The following PMF1 variants were observed in gnomAD, a reference collection of about 807,000 sequenced individuals.
PMF1 encodes polyamine modulated factor 1.
Under a neutral mutation model 26.7 loss-of-function variants are expected in PMF1, and 21 were observed. The observed-to-expected ratio is 0.79, with a 90% CI of 0.56 to 1.13. PMF1 has a LOEUF of 1.13. Among genes scored for constraint, PMF1 ranks in the 50% most tolerant of loss-of-function variants. The probability of loss-of-function intolerance (pLI) is 0.00; values close to 1 mark genes in which losing one functional copy is unlikely to be tolerated. For missense variants in PMF1, 266 were observed against 254.9 expected (o/e 1.04, Z -0.30); for synonymous variants, 105 against 101.0 (o/e 1.04, Z -0.24).
At chr1:156,219,226 T>C (rs1238635275) in intron 1 of PMF1, among the ~76,000 whole-genome samples, 3 of 152,132 alleles carry the variant, frequency 2.0e-5, no homozygotes, top group Non-Finnish European at 4.4e-5. Flanking sequence ...AAAAAAGACC[T>C]TGGGGTCTTT....
chr1:156,233,593 C>A, intron 2 of PMF1, 35 bp from the exon 3 acceptor site: 1 of 1,605,372 alleles, frequency 6.2e-7, no homozygotes, highest in Non-Finnish European at 8.5e-7. Context: ...GAGCTCATCT[C>A]GTGTCATTAC....
chr1:156,229,498 C>T (rs927268440), intron 1 of PMF1, among the ~76,000 whole-genome samples: 11 of 151,782 alleles, frequency 7.2e-5, no homozygotes, highest in African/African-American at 2.4e-4. Flanking sequence ...TACAAATTAC[C>T]TCAAGAGCAG....
chr1:156,214,750 GA>G lies in PMF1; in HGVS notation c.161+1586del, dbSNP rs796137947. ...AGAGCAAGACCCTGCCTCTAAAAAA[GA>G]AAAAAAAAAAAGATAATGAACAGGT... On this transcript the variant is annotated intron_variant, in intron 1 of 4. Coordinates refer to ENST00000368277, the MANE Select transcript of PMF1 (RefSeq NM_007221.4). 5.7e-3 allele frequency among the ~76,000 whole-genome samples: 711 copies of G among 125,368 alleles called. 3 individuals carry two copies. Among genetic ancestry groups the G allele is most frequent in the African/African-American group, 0.018 (614 of 33,962 alleles). The allele number at this position is 125,368 out of a possible 152,430, so 82.2% of individuals were successfully genotyped here.
At chr1:156,213,883 A>AT (rs1453671900) in intron 1 of PMF1, among the ~76,000 whole-genome samples, 1 of 151,670 alleles carries the variant, frequency 6.6e-6, no homozygotes, top group African/African-American at 2.4e-5. Context: ...GAAAAGAAAC[A>AT]TTTTTCCTGT....
chr1:156,213,089 C>G lies in PMF1; in HGVS notation c.74C>G (p.Ser25Cys), dbSNP rs1657464961. 6.2e-7 allele frequency: 1 copy of G among 1,614,124 alleles called. No individual in the cohort carries two copies. The highest frequency in any genetic ancestry group is 1.3e-5 in the African/African-American group (1 of 74,950). The change falls in exon 1 of 5, where the codon TCT becomes TGT. Residue 25 changes from serine to cysteine, a missense_variant. Transcript: ENST00000368277. ...AGGCATGAGGGGTCGTCTTCGGAAT[C>G]TGTGCCACCCGGCACTACCATTTCG... ...EKRHEGSSSE[S>C]VPPGTTISRV...
intron 1 of PMF1, among the ~76,000 whole-genome samples, chr1:156,219,640 C>T (rs777487508): frequency 1.3e-5 from 2 of 152,184 alleles, no homozygotes; most frequent in Non-Finnish European, 2.9e-5. Context: ...GGCTGGAGTG[C>T]AGTGGCACAA....
At position 156,232,389 on chromosome 1, in the gene PMF1, T is replaced by C; in HGVS notation, c.231T>C (p.Tyr77=). 2 of 1,614,040 alleles carry C rather than the reference T, an allele frequency of 1.2e-6. No homozygotes were observed. The highest frequency in any genetic ancestry group is 1.7e-6 in the Non-Finnish European group (2 of 1,179,898). Residue 77 remains tyrosine, a synonymous_variant, in exon 2 of 5, where the codon TAT becomes TAC. Transcript: ENST00000368277. ...QLQPAMTQQI[Y]DKFIAQLQTS... The stretch of plus-strand genomic sequence containing the variant: ...AGCCTGCGATGACACAGCAAATCTA[T>C]GACAAGTTTATAGCTCAGTTGCAGA...
At position 156,213,067 on chromosome 1, in the gene PMF1, C is replaced by A; in HGVS notation, c.52C>A (p.His18Asn). Residue 18 changes from histidine to asparagine, a missense_variant, in exon 1 of 5, where the codon CAT becomes AAT. His to Asn is a moderately conservative substitution (Grantham distance 68, BLOSUM62 1). Coordinates refer to ENST00000368277, the MANE Select transcript of PMF1 (RefSeq NM_007221.4). ...AGGCAGCGGCTGTGAGGAAAAAAGG[C>A]ATGAGGGGTCGTCTTCGGAATCTGT... ...NLGSGCEEKR[H>N]EGSSSESVPP... The A allele has an allele frequency of 6.2e-7, 1 of 1,614,220 alleles. No homozygotes were observed. Among genetic ancestry groups the A allele is most frequent in the Non-Finnish European group, 8.5e-7 (1 of 1,180,018 alleles).
In PMF1 at chr1:156,239,742, AG is replaced by A; in HGVS notation, c.*143del. ...CAGTGATGGAATTTGCTGGAGGACT[AG>A]GCCAGAGCAAGCCTCACTGCCACTG... On this transcript the variant is annotated 3_prime_UTR_variant, in exon 5 of 5. Coordinates refer to ENST00000368277, the MANE Select transcript of PMF1 (RefSeq NM_007221.4). 1.4e-6 allele frequency: 1 copy of A among 699,938 alleles called. No homozygotes were observed. Among genetic ancestry groups the A allele is most frequent in the Non-Finnish European group, 2.5e-6 (1 of 397,904 alleles). The allele number at this position is 699,938 out of a possible 1,614,324, so 43.4% of individuals were successfully genotyped here.
intron 3 of PMF1, among the ~76,000 whole-genome samples, chr1:156,235,271 C>T (rs1658940121): frequency 6.6e-6 from 1 of 151,026 alleles, no homozygotes; most frequent in Non-Finnish European, 1.5e-5. Flanking sequence ...ATTACAGCGC[C>T]CGCCACCACA....
intron 4 of PMF1, among the ~76,000 whole-genome samples, chr1:156,237,704 C>T (rs1352545674): frequency 2.0e-5 from 3 of 151,592 alleles, no homozygotes; most frequent in Non-Finnish European, 4.4e-5. Flanking sequence ...ACCTCAGCCT[C>T]ACAACGTGCT....
At chr1:156,236,164 C>A in intron 3 of PMF1, 124 bp from the exon 4 acceptor site, 1 of 1,333,446 alleles carries the variant, frequency 7.5e-7, no homozygotes, top group Non-Finnish European at 1.0e-6. Context: ...ACAGGAGAGA[C>A]CTGGGAAGCC....
At chr1:156,230,894 G>A (rs763714426) in intron 1 of PMF1, among the ~76,000 whole-genome samples, 6 of 151,106 alleles carry the variant, frequency 4.0e-5, no homozygotes, top group Non-Finnish European at 7.4e-5. Context: ...GTGAGACCGC[G>A]ACTCTACAAA....
At chr1:156,231,259 G>T (rs796730640) in intron 1 of PMF1, among the ~76,000 whole-genome samples, 25 of 145,220 alleles carry the variant, frequency 1.7e-4, no homozygotes, top group African/African-American at 5.8e-4. Context: ...AGCTGGTCAT[G>T]ATGGTGTGCA....
intron 2 of PMF1, among the ~76,000 whole-genome samples, chr1:156,233,241 C>T (rs1658819971): frequency 6.6e-6 from 1 of 152,036 alleles, no homozygotes; most frequent in African/African-American, 2.4e-5. Flanking sequence ...ACAACCTCCG[C>T]CTCCCAGGTT....
At chr1:156,238,525 A>G (rs1427338465) in intron 4 of PMF1, among the ~76,000 whole-genome samples, 1 of 152,248 alleles carries the variant, frequency 6.6e-6, no homozygotes, top group Non-Finnish European at 1.5e-5. Flanking sequence ...GCTTTCTAGT[A>G]GGGCTCAAGT....
In PMF1 at chr1:156,213,178, TAA is replaced by T; in HGVS notation, c.161+4_161+5del. On this transcript the variant is annotated splice_donor_region_variant and intron_variant, in intron 1 of 4. Transcript: ENST00000368277. ...TCAGAAGCTGGTCGCCGCCGGCAGG[TAA>T]AGTGGACGCAGCCGCGGTGGGAGTG... 1 of 1,612,128 alleles carries T rather than the reference TAA, an allele frequency of 6.2e-7. No homozygotes were observed. The highest frequency in any genetic ancestry group is 8.5e-7 in the Non-Finnish European group (1 of 1,178,514).
chr1:156,223,883 G>A (rs552712620), intron 1 of PMF1: 1 of 152,324 alleles, frequency 6.6e-6, no homozygotes, highest in Non-Finnish European at 1.5e-5. Flanking sequence ...GGCAGGAATT[G>A]TACTGTTTCG....
At chr1:156,231,688 C>T (rs529575526) in intron 1 of PMF1, among the ~76,000 whole-genome samples, 10 of 151,760 alleles carry the variant, frequency 6.6e-5, no homozygotes, top group Admixed American at 5.9e-4. Context: ...GGTGACAGAG[C>T]GAGACTGCCT....
Sources: allele counts gnomAD v4.1 joint callset (sites outside exome capture counted in the v4.1 genomes callset), GRCh38; gene constraint gnomAD v4.1.1; transcripts MANE v1.5; gene names NCBI Gene and HGNC (gene_info 2026-07-23, HGNC 2026-07-21).